Variants in RGL1 observed in about 807,000 individuals in gnomAD.
RGL1 encodes ral guanine nucleotide dissociation stimulator like 1.
A neutral mutation model predicts 95.2 loss-of-function variants in RGL1; 24 were observed. The observed-to-expected ratio is 0.25, with a 90% CI of 0.18 to 0.35. The LOEUF (loss-of-function observed/expected upper bound fraction) is 0.35. Ranked by LOEUF, RGL1 falls within the 10% of genes least tolerant of loss-of-function variation. The pLI is 1.00. For missense variants in RGL1, 715 were observed against 936.3 expected (o/e 0.76, Z 3.08); for synonymous variants, 329 against 344.9 (o/e 0.95, Z 0.51).
chr1:183,802,887 T>A (rs188023707), upstream of RGL1, among the ~76,000 whole-genome samples: 31 of 152,322 alleles, frequency 2.0e-4, no homozygotes, highest in Admixed American at 1.5e-3. Flanking sequence ...ATGTGGTAAA[T>A]AAACACCAAC....
intron 1 of RGL1, among the ~76,000 whole-genome samples, chr1:183,723,615 A>G (rs189133414): frequency 4.5e-4 from 69 of 152,294 alleles, no homozygotes; most frequent in African/African-American, 1.4e-3. Context: ...AAGCATTTAG[A>G]CCAGCCCTAG....
chr1:183,824,028 T>C (rs559748634), intron 2 of RGL1, among the ~76,000 whole-genome samples: 1 of 152,180 alleles, frequency 6.6e-6, no homozygotes, highest in South Asian at 2.1e-4. Context: ...GCTTAAGTGA[T>C]CCTCCTGCTT....
intron 2 of RGL1, among the ~76,000 whole-genome samples, chr1:183,762,759 T>C (rs1477675921): frequency 6.6e-6 from 1 of 152,128 alleles, no homozygotes; most frequent in Non-Finnish European, 1.5e-5. Context: ...GGAGAGGGTG[T>C]GGAGAAATAG....
intron 1 of RGL1, chr1:183,647,190 A>G (rs1246050693): frequency 6.5e-6 from 1 of 152,976 alleles, no homozygotes; most frequent in East Asian, 1.9e-4. Context: ...TTAGAAAAAA[A>G]TGAGCTGCCT....
upstream of RGL1, among the ~76,000 whole-genome samples, chr1:183,800,407 C>T (rs1346827204): frequency 1.3e-5 from 2 of 151,716 alleles, no homozygotes; most frequent in African/African-American, 2.4e-5. Context: ...TTTTTTCTCC[C>T]GTTTGTTGCT....
intron 2 of RGL1, among the ~76,000 whole-genome samples, chr1:183,843,857 C>T (rs964735241): frequency 9.2e-5 from 14 of 151,770 alleles, no homozygotes; most frequent in African/African-American, 2.4e-4. Context: ...GATGGAGTCT[C>T]GCTCTGTTGC....
intron 3 of RGL1, among the ~76,000 whole-genome samples, chr1:183,853,369 G>A (rs1398624774): frequency 6.6e-6 from 1 of 152,084 alleles, no homozygotes; most frequent in Non-Finnish European, 1.5e-5. Context: ...AAGAACCAGA[G>A]TAGGGGTTAA....
rs564201989 is a variant in RGL1, at chr1:183,828,167, C to T, written c.139-19399C>T. On this transcript the variant is annotated intron_variant, in intron 2 of 17. Coordinates refer to ENST00000360851, the MANE Select transcript of RGL1 (RefSeq NM_001297671.3). ...TACTGCCAGTGATATGACCATTACA[C>T]CTCTTTGACAAGAGAAACCTATGTT... Among the ~76,000 whole-genome samples, 10 of 152,306 alleles carry T rather than the reference C, an allele frequency of 6.6e-5. No homozygotes were observed. In the South Asian group the frequency reaches 1.9e-3, roughly 28 times the overall value.
rs1668983576 is a variant in RGL1, at chr1:183,916,533, C to T, written c.1836C>T (p.Ser612=). The change falls in exon 16 of 18, where the codon TCC becomes TCT. Residue 612 remains serine, a synonymous_variant. Coordinates refer to ENST00000360851, the MANE Select transcript of RGL1 (RefSeq NM_001297671.3). ...TGTCTTCCTTAATCAACCCCCTCTC[C>T]TCCCCTCCGTCCTGCAACAACAACC... is the stretch of plus-strand genomic sequence containing the variant. The part of the protein sequence containing the change: ...SGMSSLINPL[S]SPPSCNNNPK... 1.2e-6 allele frequency: 2 copies of T among 1,613,838 alleles called. No individual in the cohort carries two copies. The highest frequency in any genetic ancestry group is 2.2e-5 in the East Asian group (1 of 44,882).
chr1:183,826,832 C>A (rs1266832558), intron 2 of RGL1, among the ~76,000 whole-genome samples: 1 of 152,116 alleles, frequency 6.6e-6, no homozygotes, highest in Non-Finnish European at 1.5e-5. Context: ...TTAAAGGGTC[C>A]CTCCTTGGGA....
chr1:183,913,081 A>G (rs1668740948), intron 15 of RGL1, among the ~76,000 whole-genome samples: 1 of 152,086 alleles, frequency 6.6e-6, no homozygotes, highest in Non-Finnish European at 1.5e-5. Flanking sequence ...ATGAGAGGTG[A>G]TAAAAGAATT....
At chr1:183,643,855 T>C (rs1410648275) in intron 1 of RGL1, among the ~76,000 whole-genome samples, 3 of 152,194 alleles carry the variant, frequency 2.0e-5, no homozygotes, top group Non-Finnish European at 2.9e-5. Context: ...AACAATGCAA[T>C]AAAACAATGT....
intron 13 of RGL1, among the ~76,000 whole-genome samples, chr1:183,906,257 C>T (rs770712749): frequency 4.6e-5 from 7 of 152,152 alleles, no homozygotes; most frequent in South Asian, 2.1e-4. Flanking sequence ...TACTCAGTAA[C>T]GAAATACATC....
chr1:183,870,381 G>T (rs1447453865), intron 4 of RGL1, among the ~76,000 whole-genome samples: 3 of 99,704 alleles, frequency 3.0e-5, no homozygotes, highest in East Asian at 2.9e-4. Flanking sequence ...GCCAGGGTAG[G>T]TGTCTTCCGG....
intron 3 of RGL1, among the ~76,000 whole-genome samples, chr1:183,853,325 T>C (rs1212874618): frequency 6.6e-6 from 1 of 151,904 alleles, no homozygotes; most frequent in Non-Finnish European, 1.5e-5. Flanking sequence ...CGAGACCCTG[T>C]CTAAAAGAAA....
chr1:183,829,676 C>T (rs2102483629), intron 2 of RGL1, among the ~76,000 whole-genome samples: 1 of 152,292 alleles, frequency 6.6e-6, no homozygotes, highest in Non-Finnish European at 1.5e-5. Flanking sequence ...AGTATCAAAG[C>T]TCTTCTGGCT....
intron 3 of RGL1, among the ~76,000 whole-genome samples, chr1:183,850,058 C>CAA (rs1254413621): frequency 6.6e-6 from 1 of 152,126 alleles, no homozygotes; most frequent in Non-Finnish European, 1.5e-5. Context: ...CTGTCTTTGC[C>CAA]ATGACCTGAC....
intron 1 of RGL1, among the ~76,000 whole-genome samples, chr1:183,671,096 G>A (rs1353995234): frequency 1.3e-5 from 2 of 152,172 alleles, no homozygotes; most frequent in South Asian, 2.1e-4. Context: ...GAAGGAGGAA[G>A]AGCCCCTTAT....
chr1:183,805,381 C>T, intron 1 of RGL1, 57 bp downstream of exon 1: 1 of 1,501,206 alleles, frequency 6.7e-7, no homozygotes, highest in Non-Finnish European at 9.2e-7. Context: ...TCTTCTCCCG[C>T]TTTCGCTGGG....
Sources: gnomAD v4.1 joint callset for allele counts (sites outside exome capture counted in the v4.1 genomes callset) on GRCh38, gnomAD v4.1.1 for gene constraint, MANE v1.5 for transcripts, NCBI Gene and HGNC (gene_info 2026-07-23, HGNC 2026-07-21) for gene names.